GPC4: variants seen among roughly 807,000 people sequenced by gnomAD.
GPC4 encodes the protein glypican 4.
Under a neutral mutation model 35.0 loss-of-function variants are expected in GPC4, and 10 were observed. That is an observed-to-expected ratio of 0.29 (90% confidence interval 0.18 to 0.48). The LOEUF (loss-of-function observed/expected upper bound fraction) is 0.48. Among genes scored for constraint, GPC4 ranks in the 20% least tolerant of loss-of-function variants. The pLI, the probability that GPC4 is intolerant of heterozygous loss-of-function variation, is 0.99. For missense variants in GPC4, 322 were observed against 451.3 expected (o/e 0.71, Z 2.60); for synonymous variants, 167 against 170.2 (o/e 0.98, Z 0.15).
chrX:133,415,127 G>A lies in GPC4; in HGVS notation c.-162C>T, dbSNP rs1454533943. The A allele has an allele frequency of 4.0e-6, 2 of 498,182 alleles. No homozygotes were observed. The highest frequency in any genetic ancestry group is 3.2e-6 in the Non-Finnish European group (1 of 308,113). 41.1% of individuals were successfully genotyped at this position (498,182 alleles called of 1,213,427 possible). On this transcript the variant is annotated 5_prime_UTR_variant, in exon 1 of 9. Transcript: ENST00000370828. ...GGCGAGCAGGCGGAGGAGACGCGGG[G>A]CGAAAAGTAGAGCTGGGCCTCGCGT...
At chrX:133,346,624 G>C (rs2068492193) in intron 1 of GPC4, among the ~76,000 whole-genome samples, 1 of 111,906 alleles carries the variant, frequency 8.9e-6, no homozygotes, top group Non-Finnish European at 1.9e-5. Flanking sequence ...AAAGGTGTAT[G>C]CAAATGTTCA....
At position 133,356,833 on chromosome X, in the gene GPC4, T is replaced by C. The variant is rs76488863; in HGVS notation, c.161-17492A>G. 5.7e-3 allele frequency among the ~76,000 whole-genome samples: 634 copies of C among 111,278 alleles called. 5 individuals carry two copies. Among genetic ancestry groups the C allele is most frequent in the Non-Finnish European group, 9.0e-3 (477 of 53,017 alleles). ...AGGATCCTCAATCAGAACAGTTCAG[T>C]AAAAAACAAATGGATAAATCACAAC... On this transcript the variant is annotated intron_variant, in intron 1 of 8. Coordinates refer to ENST00000370828, the MANE Select transcript of GPC4 (RefSeq NM_001448.3).
intron 1 of GPC4, among the ~76,000 whole-genome samples, chrX:133,369,022 G>A (rs568246354): frequency 5.4e-5 from 6 of 111,571 alleles, no homozygotes; most frequent in African/African-American, 9.8e-5. Context: ...TACTTTAAAC[G>A]TAAGAATCAC....
intron 1 of GPC4, among the ~76,000 whole-genome samples, chrX:133,348,066 G>A (rs1308686056): frequency 1.8e-5 from 2 of 112,119 alleles, no homozygotes; most frequent in East Asian, 5.6e-4. Flanking sequence ...AGTGTAGTTG[G>A]AAGAGTTAGG....
chrX:133,345,178 G>A (rs2068487228), intron 1 of GPC4, among the ~76,000 whole-genome samples: 1 of 111,946 alleles, frequency 8.9e-6, no homozygotes, highest in South Asian at 3.8e-4. Flanking sequence ...TAGAAGTCAG[G>A]AATATGGGTT....
chrX:133,371,894 C>A (rs2068613697), intron 1 of GPC4, among the ~76,000 whole-genome samples: 1 of 111,111 alleles, frequency 9.0e-6, no homozygotes. Flanking sequence ...CTGCTCCTAT[C>A]CCAAACACAA....
At chrX:133,330,540 G>T (rs1185758427) in intron 2 of GPC4, among the ~76,000 whole-genome samples, 1 of 110,973 alleles carries the variant, frequency 9.0e-6, no homozygotes, top group Non-Finnish European at 1.9e-5. Flanking sequence ...TTTTAAACAG[G>T]CATTTTTTTC....
chrX:133,396,575 G>C (rs1953737079), intron 1 of GPC4, among the ~76,000 whole-genome samples: 1 of 111,301 alleles, frequency 9.0e-6, no homozygotes, highest in African/African-American at 3.3e-5. Flanking sequence ...TTTCCTTTCT[G>C]CAAAATATGA....
At chrX:133,311,539 G>A in intron 3 of GPC4, 116 bp from the exon 4 acceptor site, 2 of 674,890 alleles carry the variant, frequency 3.0e-6, no homozygotes, top group Non-Finnish European at 4.7e-6. Flanking sequence ...AGTTGTGATT[G>A]ATCACAATTA....
chrX:133,392,388 C>T (rs1404125812), intron 1 of GPC4, among the ~76,000 whole-genome samples: 3 of 105,184 alleles, frequency 2.9e-5, no homozygotes, highest in African/African-American at 7.0e-5. Context: ...CCCTGAACAC[C>T]CTGGGACCAT....
At chrX:133,311,681 A>C (rs2068315048) in intron 3 of GPC4, among the ~76,000 whole-genome samples, 1 of 108,267 alleles carries the variant, frequency 9.2e-6, no homozygotes, top group African/African-American at 3.4e-5. Context: ...TTCCTCCCCC[A>C]CCCCCTTCCC....
At chrX:133,414,785 C>G (rs371502919) in intron 1 of GPC4, 21 bp downstream of exon 1, 6 of 1,206,157 alleles carry the variant, frequency 5.0e-6, no homozygotes, top group Non-Finnish European at 6.7e-6. Context: ...CTGCGCCCAC[C>G]TCCCGGGTGT....
At position 133,319,110 on chromosome X, in the gene GPC4, T is replaced by G. The variant is rs139975862; in HGVS notation, c.711+5035A>C. Among the ~76,000 whole-genome samples the G allele has an allele frequency of 3.2e-4, 36 of 111,715 alleles. No homozygotes were observed. The East Asian group carries it at 9.3e-3, about 29-fold the overall frequency. On this transcript the variant is annotated intron_variant, in intron 3 of 8. Transcript: ENST00000370828. ...GAGAAAGTGGGAACATCTCTAAGTA[T>G]GCAAACAAGACCATGATGCTTTTCA...
At chrX:133,375,193 G>A (rs1454503675) in intron 1 of GPC4, among the ~76,000 whole-genome samples, 4 of 111,641 alleles carry the variant, frequency 3.6e-5, no homozygotes, top group African/African-American at 9.8e-5. Context: ...ACTGAACTAC[G>A]TACTCCTGGT....
intron 2 of GPC4, among the ~76,000 whole-genome samples, chrX:133,327,521 G>A (rs60775013): frequency 2.0e-3 from 226 of 110,385 alleles, no homozygotes; most frequent in African/African-American, 7.1e-3. Context: ...AGCTACTTTG[G>A]AGTACAAGAG....
intron 2 of GPC4, among the ~76,000 whole-genome samples, chrX:133,330,030 C>T (rs771563915): frequency 1.8e-5 from 2 of 111,825 alleles, no homozygotes; most frequent in South Asian, 7.5e-4. Flanking sequence ...ACATTAGTTA[C>T]TCCTTTATAA....
chrX:133,305,963 G>A (rs1303073541), intron 5 of GPC4, 45 bp from the exon 6 acceptor site: 1 of 1,210,073 alleles, frequency 8.3e-7, no homozygotes, highest in Non-Finnish European at 1.1e-6. Flanking sequence ...TCACTCCCAA[G>A]GCGGGAGGCG....
At chrX:133,320,310 T>C (rs928668090) in intron 3 of GPC4, among the ~76,000 whole-genome samples, 12 of 111,245 alleles carry the variant, frequency 1.1e-4, no homozygotes, top group Admixed American at 5.7e-4. Flanking sequence ...AAAACAAAAA[T>C]TGTTAGGGTT....
intron 4 of GPC4, among the ~76,000 whole-genome samples, chrX:133,308,920 G>A (rs1417788171): frequency 9.2e-6 from 1 of 108,869 alleles, no homozygotes; most frequent in African/African-American, 3.4e-5. Context: ...AAAGAAGGGG[G>A]AAAAAGCCCT....
Sources: gnomAD v4.1 joint callset for allele counts (sites outside exome capture counted in the v4.1 genomes callset) on GRCh38, gnomAD v4.1.1 for gene constraint, MANE v1.5 for transcripts, NCBI Gene and HGNC (gene_info 2026-07-23, HGNC 2026-07-21) for gene names.